The following CSMD1 variants were observed in gnomAD, a reference collection of about 807,000 sequenced individuals.
The protein encoded by CSMD1 is CUB and sushi domain-containing protein 1.
CSMD1 carries 213 observed loss-of-function variants against 417.5 expected under a neutral mutation model. The ratio of observed to expected loss-of-function variants is 0.51; its 90% confidence interval spans 0.46 to 0.57. The LOEUF (loss-of-function observed/expected upper bound fraction) is 0.57, where lower values mean the gene tolerates loss of function less well. Ranked by LOEUF, CSMD1 falls within the 20% of genes least tolerant of loss-of-function variation. The pLI is 0.00. For synonymous variants in CSMD1, 2,862 were observed against 1,736.8 expected, an observed-to-expected ratio of 1.65 and a Z score of -16.11; for missense variants, 6,923 against 4,529.7, an observed-to-expected ratio of 1.53 and a Z score of -15.17.
intron 2 of CSMD1, among the ~76,000 whole-genome samples, chr8:4,484,065 G>C (rs114466124): frequency 0.011 from 1,750 of 152,184 alleles, 43 homozygotes; most frequent in African/African-American, 0.04. Context: ...CAATACCTCA[G>C]CATCAGTTCA....
intron 10 of CSMD1, among the ~76,000 whole-genome samples, chr8:3,567,321 T>A (rs567546163): frequency 6.6e-6 from 1 of 152,128 alleles, no homozygotes; most frequent in South Asian, 2.1e-4. Flanking sequence ...TGTTGGGTAC[T>A]GGGCTTAATA....
At chr8:4,864,617 A>G (rs1356180522) in intron 1 of CSMD1, among the ~76,000 whole-genome samples, 1 of 151,698 alleles carries the variant, frequency 6.6e-6, no homozygotes, top group African/African-American at 2.4e-5. Context: ...TACTAGCTTT[A>G]TTAATTTTAA....
chr8:4,447,510 G>A (rs1033269032), intron 2 of CSMD1, among the ~76,000 whole-genome samples: 2 of 152,146 alleles, frequency 1.3e-5, no homozygotes. Flanking sequence ...AATGTTCTTT[G>A]GAGAGGCTCT....
At chr8:4,291,250 G>C (rs1044866370) in intron 3 of CSMD1, among the ~76,000 whole-genome samples, 3 of 151,912 alleles carry the variant, frequency 2.0e-5, no homozygotes, top group Non-Finnish European at 4.4e-5. Flanking sequence ...CAAATATTAA[G>C]TAATAAAGAA....
intron 49 of CSMD1, among the ~76,000 whole-genome samples, chr8:3,069,768 C>G (rs1264173871): frequency 1.3e-5 from 2 of 152,192 alleles, no homozygotes; most frequent in Non-Finnish European, 2.9e-5. Flanking sequence ...AGCAGTGCCC[C>G]ATTGGAGACT....
At chr8:4,413,680 T>C (rs1796773371) in intron 3 of CSMD1, among the ~76,000 whole-genome samples, 1 of 152,126 alleles carries the variant, frequency 6.6e-6, no homozygotes, top group African/African-American at 2.4e-5. Context: ...TCCCAAGAAC[T>C]TACCCAGTGA....
intron 3 of CSMD1, among the ~76,000 whole-genome samples, chr8:4,164,914 G>C (rs997285553): frequency 3.3e-5 from 5 of 151,470 alleles, no homozygotes; most frequent in Middle Eastern, 6.8e-3. Context: ...TATATATATA[G>C]TTTGATAGTA....
intron 5 of CSMD1, among the ~76,000 whole-genome samples, chr8:3,983,952 T>A (rs544288572): frequency 1.2e-4 from 18 of 151,172 alleles, no homozygotes; most frequent in African/African-American, 1.7e-4. Context: ...CTAGAGCACA[T>A]TGCAGATCTG....
chr8:3,088,411 C>T (rs1486195758), intron 48 of CSMD1, among the ~76,000 whole-genome samples: 2 of 152,168 alleles, frequency 1.3e-5, no homozygotes, highest in Non-Finnish European at 2.9e-5. Context: ...TTCCACTTCC[C>T]TCTGGGGCTT....
intron 49 of CSMD1, among the ~76,000 whole-genome samples, chr8:3,084,918 T>C (rs1814412878): frequency 2.1e-5 from 3 of 141,984 alleles, no homozygotes; most frequent in African/African-American, 5.1e-5. Flanking sequence ...TTAAGCATTA[T>C]AATCTATATA....
At chr8:4,246,424 G>C (rs557362865) in intron 3 of CSMD1, among the ~76,000 whole-genome samples, 178 of 152,288 alleles carry the variant, frequency 1.2e-3, no homozygotes, top group African/African-American at 3.9e-3. Context: ...AAGTTGTAGA[G>C]AAAGGGCACT....
At chr8:4,334,310 G>C (rs1034553957) in intron 3 of CSMD1, among the ~76,000 whole-genome samples, 3 of 152,078 alleles carry the variant, frequency 2.0e-5, no homozygotes, top group African/African-American at 7.2e-5. Flanking sequence ...GGTATTCCTG[G>C]GAAGGTATTT....
intron 3 of CSMD1, among the ~76,000 whole-genome samples, chr8:4,152,656 C>T (rs770363543): frequency 2.1e-4 from 32 of 151,856 alleles, no homozygotes; most frequent in Non-Finnish European, 4.1e-4. Flanking sequence ...TGCCAGCGCA[C>T]CGCAACCCAA....
At chr8:3,615,218 G>A (rs759113553) in intron 8 of CSMD1, among the ~76,000 whole-genome samples, 3 of 152,102 alleles carry the variant, frequency 2.0e-5, no homozygotes, top group Non-Finnish European at 4.4e-5. Flanking sequence ...GCCAAAGGAA[G>A]GAAGCCATTT....
rs375073896 is a variant in CSMD1 at position 3,676,339 on chromosome 8, T to A, written c.1009+32075A>T. Among the ~76,000 whole-genome samples, 93 of 152,102 alleles carry A rather than the reference T, an allele frequency of 6.1e-4. 2 individuals are homozygous for A. The highest frequency in any genetic ancestry group is 5.7e-3 in the Admixed American group (87 of 15,274). ...TTCTTTTCTGAAGAGCAGGTGGAGG[T>A]GGGTGGCCGCCCGCCAGGCAGGATT... On this transcript the variant is annotated intron_variant, in intron 7 of 69. Transcript: ENST00000635120.
intron 1 of CSMD1, among the ~76,000 whole-genome samples, chr8:4,717,549 C>CCTATTTAT (rs1554454930): frequency 6.7e-6 from 1 of 148,772 alleles, no homozygotes; most frequent in African/African-American, 2.6e-5. Context: ...TGTCTGTCTA[C>CCTATTTAT]CTATCTATCT....
chr8:3,679,642 C>G lies in CSMD1; in HGVS notation c.1009+28772G>C, dbSNP rs1372961501. 2.0e-5 allele frequency among the ~76,000 whole-genome samples: 3 copies of G among 152,118 alleles called. No individual in the cohort carries two copies. The East Asian group carries it at 5.8e-4, about 29-fold the overall frequency. ...ACAGATCAACAAGACAGCAAGTTAA[C>G]AAGGATATCCAGGAATTGAACTGAG... On this transcript the variant is annotated intron_variant, in intron 7 of 69. Transcript: ENST00000635120.
At chr8:3,942,890 A>G (rs1778118041) in intron 5 of CSMD1, among the ~76,000 whole-genome samples, 1 of 152,206 alleles carries the variant, frequency 6.6e-6, no homozygotes, top group South Asian at 2.1e-4. Flanking sequence ...TCAAATGAAT[A>G]CATCATTGTG....
intron 3 of CSMD1, among the ~76,000 whole-genome samples, chr8:4,201,239 G>C (rs187728202): frequency 6.6e-6 from 1 of 152,142 alleles, no homozygotes; most frequent in Non-Finnish European, 1.5e-5. Context: ...GAGTATGGTT[G>C]TAAGTAAAAA....
Sources: gnomAD v4.1 joint callset for allele counts (sites outside exome capture counted in the v4.1 genomes callset) on GRCh38, gnomAD v4.1.1 for gene constraint, MANE v1.5 for transcripts, NCBI Gene and HGNC (gene_info 2026-07-23, HGNC 2026-07-21) for gene names.